The following CLASP1 variants were observed in gnomAD, a reference collection of about 807,000 sequenced individuals.
CLASP1 encodes the protein CLIP-associating protein 1.
CLASP1 carries 38 observed loss-of-function variants against 192.3 expected under a neutral mutation model. That is an observed-to-expected ratio of 0.20 (90% CI 0.15 to 0.26). CLASP1 has a LOEUF of 0.26. CLASP1 is among the 10% of genes least tolerant of loss of function. The pLI is 1.00. For synonymous variants in CLASP1, 691 were observed against 712.8 expected (o/e 0.97, Z 0.49); for missense variants, 1,433 against 1,932.5 (o/e 0.74, Z 4.85).
intron 8 of CLASP1, among the ~76,000 whole-genome samples, chr2:121,500,022 G>C (rs926971648): frequency 6.6e-6 from 1 of 152,084 alleles, no homozygotes; most frequent in Non-Finnish European, 1.5e-5. Context: ...AAAAGCATAC[G>C]TATCTGAAAG....
At chr2:121,464,387 T>C (rs908001077) in intron 9 of CLASP1, among the ~76,000 whole-genome samples, 1 of 152,088 alleles carries the variant, frequency 6.6e-6, no homozygotes, top group African/African-American at 2.4e-5. Flanking sequence ...GGTCAAATGG[T>C]ATTTCTAGTT....
rs573223960 is a variant in CLASP1 at position 121,365,407 on chromosome 2, G to A, written c.3887-123C>T. 727 of 921,246 alleles carry A rather than the reference G, an allele frequency of 7.9e-4. 4 individuals are homozygous for A. The highest frequency in any genetic ancestry group is 3.3e-3 in the Middle Eastern group (10 of 3,052). The allele number at this position is 921,246 out of a possible 1,614,324, so 57.1% of individuals were successfully genotyped here. On this transcript the variant is annotated intron_variant, in intron 35 of 39. Transcript: ENST00000263710. ...CTCCCAGAGGCGATGCCTCCTTCAC[G>A]GTTCCCCTCCCACCCTCCGCCCTGC...
chr2:121,497,526 A>G (rs1053711657), intron 8 of CLASP1, among the ~76,000 whole-genome samples: 7 of 152,240 alleles, frequency 4.6e-5, no homozygotes, highest in African/African-American at 1.7e-4. Flanking sequence ...AAAATGTGAT[A>G]TAGCTAATAA....
chr2:121,641,665 CT>C (rs1225150035), intron 1 of CLASP1, among the ~76,000 whole-genome samples: 1 of 152,098 alleles, frequency 6.6e-6, no homozygotes. Flanking sequence ...ATTGCTTATT[CT>C]TTTTTAAAAT....
exon 40 of CLASP1, chr2:121,340,869 G>T: frequency 6.2e-7 from 1 of 1,611,120 alleles, no homozygotes. Flanking sequence ...CATTAGCTGT[G>T]CGTGGAGACA....
At chr2:121,453,667 C>T (rs2086028609) in intron 14 of CLASP1, among the ~76,000 whole-genome samples, 1 of 152,188 alleles carries the variant, frequency 6.6e-6, no homozygotes, top group African/African-American at 2.4e-5. Context: ...GCACTTATTC[C>T]TACTCATCTT....
intron 37 of CLASP1, among the ~76,000 whole-genome samples, chr2:121,350,479 G>T (rs1034137238): frequency 2.6e-5 from 4 of 152,114 alleles, no homozygotes; most frequent in Admixed American, 2.0e-4. Context: ...GTCACTTTGG[G>T]GCCCTCACTG....
intron 22 of CLASP1, among the ~76,000 whole-genome samples, chr2:121,424,511 T>C (rs2080059344): frequency 6.6e-6 from 1 of 152,218 alleles, no homozygotes. Context: ...TTTAAAAAGT[T>C]AGCGTATGAA....
At chr2:121,354,830 G>A (rs1482471963) in intron 37 of CLASP1, among the ~76,000 whole-genome samples, 2 of 152,202 alleles carry the variant, frequency 1.3e-5, no homozygotes, top group African/African-American at 4.8e-5. Context: ...GGATTCAAGA[G>A]TCAGCAGCAT....
intron 29 of CLASP1, among the ~76,000 whole-genome samples, 196 bp downstream of exon 30, chr2:121,398,126 T>C (rs186841702): frequency 1.3e-5 from 2 of 152,356 alleles, no homozygotes; most frequent in African/African-American, 4.8e-5. Context: ...GCTAAACATG[T>C]ACTTACCCAA....
chr2:121,524,522 T>G (rs1339711917), intron 6 of CLASP1, among the ~76,000 whole-genome samples: 4 of 151,916 alleles, frequency 2.6e-5, no homozygotes, highest in African/African-American at 9.7e-5. Flanking sequence ...AGTGGCACGA[T>G]CTTGGCTCAC....
intron 2 of CLASP1, among the ~76,000 whole-genome samples, chr2:121,547,029 T>C (rs1476835051): frequency 6.6e-6 from 1 of 152,174 alleles, no homozygotes; most frequent in Non-Finnish European, 1.5e-5. Context: ...GCCTTCACTG[T>C]TGATACCTCC....
At chr2:121,425,060 A>G in intron 22 of CLASP1, 79 bp downstream of exon 22, 9 of 1,370,182 alleles carry the variant, frequency 6.6e-6, no homozygotes, top group Non-Finnish European at 8.0e-6. Context: ...TATTTCCTAC[A>G]TTAGACATAG....
intron 2 of CLASP1, among the ~76,000 whole-genome samples, chr2:121,594,400 T>G (rs2062856120): frequency 6.6e-6 from 1 of 151,476 alleles, no homozygotes; most frequent in South Asian, 2.1e-4. Context: ...TCTATCAATT[T>G]TTTTTTTTAA....
At chr2:121,570,008 A>G (rs2059845797) in intron 2 of CLASP1, among the ~76,000 whole-genome samples, 1 of 152,160 alleles carries the variant, frequency 6.6e-6, no homozygotes, top group South Asian at 2.1e-4. Flanking sequence ...TAATTCCTCT[A>G]TGTGCCTCAG....
intron 1 of CLASP1, among the ~76,000 whole-genome samples, chr2:121,637,397 G>T (rs1011870586): frequency 2.0e-5 from 3 of 151,864 alleles, no homozygotes; most frequent in Admixed American, 6.6e-5. Context: ...AGGACAACTG[G>T]CTATCTACAT....
chr2:121,364,029 A>G (rs1030594226), intron 36 of CLASP1: 2 of 152,394 alleles, frequency 1.3e-5, no homozygotes, highest in African/African-American at 2.4e-5. Flanking sequence ...CCAACAAGGC[A>G]TAACTGCCTT....
rs184217496 is a variant in CLASP1 at position 121,594,670 on chromosome 2, T to C, written c.195+11031A>G. Among the ~76,000 whole-genome samples, 42 of 152,220 alleles carry C rather than the reference T, an allele frequency of 2.8e-4. No homozygotes were observed. In the East Asian group the frequency reaches 5.8e-3, roughly 21 times the overall value. ...CCTCCCAAAGTGCTGGGATTACAGGTGTGAGCCACTGCGCCCGGCCAGTAG... is the reference window on the plus strand; with the variant it reads ...CCTCCCAAAGTGCTGGGATTACAGGCGTGAGCCACTGCGCCCGGCCAGTAG... On this transcript the variant is annotated intron_variant, in intron 2 of 39. Coordinates refer to ENST00000263710, the Ensembl canonical transcript of CLASP1.
chr2:121,404,910 A>G (rs903467440), intron 25 of CLASP1, among the ~76,000 whole-genome samples: 1 of 152,222 alleles, frequency 6.6e-6, no homozygotes, highest in Admixed American at 6.5e-5. Flanking sequence ...AAGCATGTCT[A>G]TCCTGCATTT....
Sources: gnomAD v4.1 joint callset for allele counts (sites outside exome capture counted in the v4.1 genomes callset) on GRCh38, gnomAD v4.1.1 for gene constraint, MANE v1.5 for transcripts, NCBI Gene and HGNC (gene_info 2026-07-23, HGNC 2026-07-21) for gene names.